COLEC10: variants seen among roughly 807,000 people sequenced by gnomAD.
COLEC10 encodes collectin-10.
A neutral mutation model predicts 28.4 loss-of-function variants in COLEC10; 22 were observed. That is an observed-to-expected ratio of 0.78 (90% CI 0.55 to 1.11). The LOEUF (loss-of-function observed/expected upper bound fraction) is 1.11. COLEC10 is among the 50% of genes least tolerant of loss of function. The pLI, the probability that COLEC10 is intolerant of heterozygous loss-of-function variation, is 0.00. For missense variants in COLEC10, 361 were observed against 344.1 expected (o/e 1.05, Z -0.39); for synonymous variants, 125 against 116.1 (o/e 1.08, Z -0.49).
chr8:118,967,288 CAGAAA>C, the COLEC10 span, among the ~76,000 whole-genome samples: 3 of 152,068 alleles, frequency 2.0e-5, no homozygotes, highest in South Asian at 2.1e-4. Flanking sequence ...AATTTACCAT[CAGAAA>C]AGAAAAGAAA....
intron 2 of COLEC10, among the ~76,000 whole-genome samples, chr8:119,016,429 A>G (rs1231166959): frequency 6.6e-6 from 1 of 152,080 alleles, no homozygotes; most frequent in Non-Finnish European, 1.5e-5. Context: ...TCTATCACTG[A>G]TAGGCATTTG....
chr8:119,070,836 G>T (rs181629196), intron 1 of COLEC10, among the ~76,000 whole-genome samples: 1 of 152,046 alleles, frequency 6.6e-6, no homozygotes, highest in African/African-American at 2.4e-5. Context: ...TGTGGATGAT[G>T]CTTTACAATT....
Position 119,106,116 on chromosome 8 carries a change from C to G in COLEC10, c.759C>G (p.Ser253Arg). ...YGHEDCVEML[S>R]SGRWNDTECH... is the part of the protein sequence containing the mutation. ...ATGAGGACTGTGTGGAGATGCTGAG[C>G]TCTGGCAGATGGAATGACACAGAGT... The change falls in exon 6 of 6, where the codon AGC becomes AGG. Residue 253 changes from serine to arginine, a missense_variant. By Grantham distance (110) the Ser-to-Arg change is moderately radical. Coordinates refer to ENST00000332843, the MANE Select transcript of COLEC10 (RefSeq NM_006438.5). 6.2e-7 allele frequency: 1 copy of G among 1,613,824 alleles called. No homozygotes were observed. The highest frequency in any genetic ancestry group is 8.5e-7 in the Non-Finnish European group (1 of 1,179,798).
At chr8:119,010,550 A>G (rs1813886095) in intron 2 of COLEC10, among the ~76,000 whole-genome samples, 1 of 150,932 alleles carries the variant, frequency 6.6e-6, no homozygotes, top group South Asian at 2.1e-4. Context: ...TTTTATGGTA[A>G]GAGTATGTTT....
chr8:119,027,073 G>A (rs1198392549), intron 2 of COLEC10, among the ~76,000 whole-genome samples: 1 of 152,074 alleles, frequency 6.6e-6, no homozygotes, highest in African/African-American at 2.4e-5. Flanking sequence ...ATCTTCCTGT[G>A]CTTCACTTTC....
the COLEC10 span, among the ~76,000 whole-genome samples, chr8:118,958,591 A>T: frequency 3.3e-5 from 5 of 152,242 alleles, no homozygotes; most frequent in African/African-American, 1.2e-4. Flanking sequence ...CCCAGGAAAA[A>T]AAAAGTGTAT....
At chr8:119,009,509 C>G (rs1416730562) in exon 2 of COLEC10, 1 of 150,980 alleles carries the variant, frequency 6.6e-6, no homozygotes, top group Non-Finnish European at 1.5e-5. Context: ...AGAAGCCAAG[C>G]AGATGCCAGT....
At chr8:119,073,177 C>T (rs1258343979) in intron 1 of COLEC10, among the ~76,000 whole-genome samples, 1 of 152,220 alleles carries the variant, frequency 6.6e-6, no homozygotes, top group Admixed American at 6.5e-5. Context: ...CTAGGTCATG[C>T]AGCTGCTAAT....
At chr8:119,066,629 T>C (rs762653155), upstream of COLEC10, among the ~76,000 whole-genome samples, 62 of 152,232 alleles carry the variant, frequency 4.1e-4, no homozygotes, top group Non-Finnish European at 8.2e-4. Context: ...CTTGAGATAG[T>C]GTACCAGAAA....
At position 119,106,466 on chromosome 8, in the gene COLEC10, T is replaced by C. The variant is rs907639066; in HGVS notation, c.*275T>C. The C allele has an allele frequency of 1.2e-5, 4 of 325,844 alleles. No homozygotes were observed. The highest frequency in any genetic ancestry group is 4.2e-5 in the Admixed American group (1 of 23,908). The allele number at this position is 325,844 out of a possible 1,614,324, so 20.2% of individuals were successfully genotyped here. A position where few individuals can be genotyped will look rare whatever the true frequency, so the allele number is the denominator to read the frequency against. ...TGCACGAGATAGTTGGTTGTCTATA[T>C]GTCAAATGAGTTGTTCTCTTGGTAT... On this transcript the variant is annotated 3_prime_UTR_variant, in exon 6 of 6. Coordinates refer to ENST00000332843, the MANE Select transcript of COLEC10 (RefSeq NM_006438.5).
At chr8:119,025,551 C>T (rs117454288) in intron 2 of COLEC10, among the ~76,000 whole-genome samples, 2,054 of 152,064 alleles carry the variant, frequency 0.014, 21 homozygotes, top group Non-Finnish European at 0.018. Flanking sequence ...TTAAGAAAAA[C>T]CTTGGTCTTC....
the COLEC10 span, among the ~76,000 whole-genome samples, chr8:118,972,688 C>T: frequency 1.3e-5 from 2 of 151,966 alleles, no homozygotes; most frequent in Non-Finnish European, 2.9e-5. Flanking sequence ...ATATTCAATA[C>T]ATCTGCAAAA....
the COLEC10 span, among the ~76,000 whole-genome samples, chr8:118,974,438 G>A: frequency 1.3e-5 from 2 of 151,892 alleles, no homozygotes; most frequent in African/African-American, 4.8e-5. Flanking sequence ...TTACCCCAAG[G>A]AAGAGGTGTG....
At chr8:119,047,831 GA>G (rs1211842843) in intron 2 of COLEC10, among the ~76,000 whole-genome samples, 1 of 151,946 alleles carries the variant, frequency 6.6e-6, no homozygotes, top group Non-Finnish European at 1.5e-5. Flanking sequence ...TCTAGAGTTT[GA>G]AAAAATTTAA....
chr8:118,973,131 AC>A, the COLEC10 span, among the ~76,000 whole-genome samples: 1 of 151,994 alleles, frequency 6.6e-6, no homozygotes, highest in East Asian at 1.9e-4. Context: ...AAACCATATC[AC>A]CAGGTAACTG....
At chr8:118,991,022 A>T (rs1668165641), upstream of COLEC10, among the ~76,000 whole-genome samples, 1 of 152,130 alleles carries the variant, frequency 6.6e-6, no homozygotes, top group Non-Finnish European at 1.5e-5. Flanking sequence ...AGGCAGTATT[A>T]TTCTCACAAT....
intron 2 of COLEC10, among the ~76,000 whole-genome samples, chr8:119,036,542 G>A (rs1017145973): frequency 2.6e-5 from 4 of 152,078 alleles, no homozygotes; most frequent in African/African-American, 7.2e-5. Flanking sequence ...TGTTTATTAG[G>A]CATGTATTAA....
chr8:119,078,706 G>A (rs1205238131), intron 1 of COLEC10, among the ~76,000 whole-genome samples: 1 of 152,078 alleles, frequency 6.6e-6, no homozygotes, highest in Non-Finnish European at 1.5e-5. Context: ...AGTGATTGAT[G>A]ATTATCAAAG....
intron 2 of COLEC10, among the ~76,000 whole-genome samples, chr8:119,018,542 G>A (rs1310039428): frequency 2.6e-5 from 4 of 152,186 alleles, no homozygotes; most frequent in Non-Finnish European, 5.9e-5. Context: ...ATAAACTGAT[G>A]CCTGCTTTGA....
Sources: gnomAD v4.1 joint callset for allele counts (sites outside exome capture counted in the v4.1 genomes callset) on GRCh38, gnomAD v4.1.1 for gene constraint, MANE v1.5 for transcripts, NCBI Gene and HGNC (gene_info 2026-07-23, HGNC 2026-07-21) for gene names.